PIR: variants seen among roughly 807,000 people sequenced by gnomAD.
PIR encodes the protein pirin, also known as pirin (iron-binding nuclear protein).
PIR carries 22 observed loss-of-function variants against 24.2 expected under a neutral mutation model. The ratio of observed to expected loss-of-function variants is 0.91; its 90% CI spans 0.65 to 1.30. PIR has a LOEUF of 1.30. Ranked by LOEUF, PIR falls within the 50% of genes most tolerant of loss-of-function variation. The pLI is 0.00. For synonymous variants in PIR, 80 were observed against 79.6 expected (o/e 1.00, Z -0.03); for missense variants, 220 against 220.3 (o/e 1.00, Z 0.01).
intron 6 of PIR, among the ~76,000 whole-genome samples, chrX:15,420,028 C>T (rs750345227): frequency 9.0e-6 from 1 of 110,870 alleles, no homozygotes; most frequent in African/African-American, 3.3e-5. Context: ...CAAACCCCGT[C>T]GCTACTAAAA....
intron 8 of PIR, 91 bp from the exon 9 acceptor site, chrX:15,390,342 T>G: frequency 2.0e-6 from 1 of 498,918 alleles, no homozygotes; most frequent in Non-Finnish European, 3.4e-6. Context: ...GCTAGCCAAA[T>G]AGGCGATGTT....
At chrX:15,429,212 T>C (rs867618702) in intron 5 of PIR, among the ~76,000 whole-genome samples, 1 of 57,079 alleles carries the variant, frequency 1.8e-5, no homozygotes, top group Admixed American at 2.2e-4. Context: ...CCTCTCTAAG[T>C]TGCAACTACA....
chrX:15,400,989 G>A (rs771245480), intron 7 of PIR, among the ~76,000 whole-genome samples: 56 of 109,580 alleles, frequency 5.1e-4, no homozygotes, highest in Admixed American at 1.3e-3. Flanking sequence ...CTGCCCCCTC[G>A]ATCTCCCAAA....
At chrX:15,386,657 G>A (rs1034591277) in intron 9 of PIR, among the ~76,000 whole-genome samples, 11 of 111,665 alleles carry the variant, frequency 9.9e-5, no homozygotes, top group African/African-American at 3.3e-4. Flanking sequence ...AGGGAGTGAT[G>A]TTTGAGCAGT....
At position 15,490,952 on chromosome X, in the gene PIR, A is replaced by G. The variant is rs756571914; in HGVS notation, c.96+210T>C. Among the ~76,000 whole-genome samples, 310 of 112,125 alleles carry G rather than the reference A, an allele frequency of 2.8e-3. 2 individuals are homozygous for G. Among genetic ancestry groups the G allele is most frequent in the Non-Finnish European group, 4.2e-3 (224 of 53,181 alleles). On this transcript the variant is annotated intron_variant, in intron 2 of 9. Transcript: ENST00000380420. ...GAGACATTTCCTGAAGCTCAGCTGC[A>G]CTTTCTGCCCAAGACCTCTGTATTC...
At chrX:15,390,384 T>C in intron 8 of PIR, 133 bp from the exon 9 acceptor site, 1 of 335,078 alleles carries the variant, frequency 3.0e-6, no homozygotes, top group Non-Finnish European at 5.0e-6. Context: ...CAAAAATATT[T>C]TCTGTGCAAC....
intron 3 of PIR, among the ~76,000 whole-genome samples, chrX:15,465,211 A>C: frequency 9.0e-6 from 1 of 111,550 alleles, no homozygotes; most frequent in Non-Finnish European, 1.9e-5. Flanking sequence ...TGGTCAATGA[A>C]GTTTTATTGA....
intron 1 of PIR, among the ~76,000 whole-genome samples, chrX:15,492,008 A>C (rs185541409): frequency 2.9e-3 from 316 of 109,184 alleles, no homozygotes; most frequent in African/African-American, 9.8e-3. Flanking sequence ...TTCTTACTTC[A>C]CTGAATTCTC....
chrX:15,456,829 C>T (rs1921103097), intron 4 of PIR, among the ~76,000 whole-genome samples: 1 of 112,563 alleles, frequency 8.9e-6, no homozygotes, highest in African/African-American at 3.2e-5. Flanking sequence ...ATTGCCTCCA[C>T]TGTTATGCAG....
At chrX:15,391,662 G>A (rs951895262) in intron 8 of PIR, among the ~76,000 whole-genome samples, 5 of 111,942 alleles carry the variant, frequency 4.5e-5, no homozygotes, top group South Asian at 3.7e-4. Context: ...ACACTTCTAT[G>A]TGGTGTTTTG....
chrX:15,387,063 C>CT (rs1923778871), intron 9 of PIR, among the ~76,000 whole-genome samples: 1 of 23,016 alleles, frequency 4.3e-5, no homozygotes, highest in Non-Finnish European at 9.0e-5. Flanking sequence ...TTTTGTTTTT[C>CT]TTTTCTTTTC....
At chrX:15,409,185 G>A (rs1924649689) in intron 6 of PIR, among the ~76,000 whole-genome samples, 1 of 95,815 alleles carries the variant, frequency 1.0e-5, no homozygotes, top group Non-Finnish European at 2.0e-5. Context: ...TGCAAGCTCC[G>A]CCTCCCGGGT....
At chrX:15,491,362 G>T in intron 1 of PIR, 53 bp from the exon 2 acceptor site, 1 of 498,631 alleles carries the variant, frequency 2.0e-6, no homozygotes, top group South Asian at 3.5e-5. Flanking sequence ...GAACATCCAA[G>T]GACTACAAAA....
intron 2 of PIR, among the ~76,000 whole-genome samples, chrX:15,484,516 T>C (rs908332101): frequency 9.1e-6 from 1 of 109,477 alleles, no homozygotes; most frequent in African/African-American, 3.3e-5. Flanking sequence ...GGTTTCACCA[T>C]GTTGCTCAGG....
At chrX:15,414,258 G>A (rs1257118700) in intron 6 of PIR, among the ~76,000 whole-genome samples, 1 of 112,005 alleles carries the variant, frequency 8.9e-6, no homozygotes, top group Non-Finnish European at 1.9e-5. Flanking sequence ...ATTGTATCCT[G>A]CTCTTTAGAG....
At chrX:15,409,169 G>A (rs1255377886) in intron 6 of PIR, among the ~76,000 whole-genome samples, 2 of 94,301 alleles carry the variant, frequency 2.1e-5, no homozygotes, top group Non-Finnish European at 4.1e-5. Flanking sequence ...TGCGATCTCC[G>A]CTCACTGCAA....
intron 7 of PIR, among the ~76,000 whole-genome samples, chrX:15,401,710 A>AT (rs1321510127): frequency 2.7e-5 from 3 of 112,215 alleles, no homozygotes; most frequent in East Asian, 2.8e-4. Context: ...TTTAATTGCA[A>AT]TTTTTTTGCC....
Position 15,397,502 on chromosome X carries a change from G to A in PIR, c.640C>T (p.Pro214Ser). The A allele has an allele frequency of 8.3e-7, 1 of 1,207,127 alleles. No homozygotes were observed. The highest frequency in any genetic ancestry group is 1.1e-6 in the Non-Finnish European group (1 of 891,311). ...GPDDAQQKIE[P>S]HHTAVLGEGD... ...TCTCCAAGCACTGCTGTGTGATGAGGTTCTATTTTTTGTTGTGCATCATCG... is the reference window on the plus strand; with the variant it reads ...TCTCCAAGCACTGCTGTGTGATGAGATTCTATTTTTTGTTGTGCATCATCG... Residue 214 changes from proline (P) to serine (S), a missense_variant, in exon 8 of 10, where the codon CCT (proline) becomes TCT (serine). Pro to Ser is a moderately conservative substitution (Grantham distance 74). Coordinates refer to ENST00000380420, the MANE Select transcript of PIR (RefSeq NM_001018109.3).
chrX:15,413,456 C>A (rs1268902065), intron 6 of PIR, among the ~76,000 whole-genome samples: 2 of 111,981 alleles, frequency 1.8e-5, no homozygotes, highest in Non-Finnish European at 3.8e-5. Flanking sequence ...CTGTGTCCCA[C>A]CAAACACTGC....
Sources: gnomAD v4.1 joint callset for allele counts (sites outside exome capture counted in the v4.1 genomes callset) on GRCh38, gnomAD v4.1.1 for gene constraint, MANE v1.5 for transcripts, NCBI Gene and HGNC (gene_info 2026-07-23, HGNC 2026-07-21) for gene names.